The following ACER3 variants were observed in gnomAD, a reference collection of about 807,000 sequenced individuals.
The protein encoded by ACER3 is alkaline ceramidase 3, also known as alkCDase 3.
Under a neutral mutation model 48.9 loss-of-function variants are expected in ACER3, and 16 were observed. That is an observed-to-expected ratio of 0.33 (90% CI 0.22 to 0.50). The LOEUF is 0.50. Ranked by LOEUF, ACER3 falls within the 20% of genes least tolerant of loss-of-function variation. ACER3 has a pLI of 0.98. For synonymous variants in ACER3, 109 were observed against 107.8 expected, an observed-to-expected ratio of 1.01 and a Z score of -0.07; for missense variants, 227 against 326.0, an observed-to-expected ratio of 0.70 and a Z score of 2.34.
intron 2 of ACER3, among the ~76,000 whole-genome samples, chr11:76,933,360 G>T (rs1947071425): frequency 1.4e-5 from 2 of 145,628 alleles, no homozygotes; most frequent in South Asian, 4.5e-4. Flanking sequence ...TAGGACAATA[G>T]TGGAGGGAAG....
intron 1 of ACER3, among the ~76,000 whole-genome samples, chr11:76,889,100 G>T (rs745626279): frequency 1.3e-5 from 2 of 152,074 alleles, no homozygotes; most frequent in Non-Finnish European, 2.9e-5. Context: ...GCTCTATATA[G>T]ATGATCTCAG....
At position 77,020,553 on chromosome 11, in the gene ACER3, T is replaced by A; in HGVS notation, c.*226T>A. ...TCCCCCTCCTCCTTTCACGCTCCAG[T>A]TTATAAAGAAACAGAGATGATGTGT... On this transcript the variant is annotated 3_prime_UTR_variant, in exon 11 of 11. Transcript: ENST00000532485. The A allele has an allele frequency of 2.0e-6, 1 of 511,198 alleles. No individual in the cohort carries two copies. The allele number at this position is 511,198 out of a possible 1,614,324, so 31.7% of individuals were successfully genotyped here. A position where few individuals can be genotyped will look rare whatever the true frequency, so the allele number is the denominator to read the frequency against.
intron 3 of ACER3, among the ~76,000 whole-genome samples, chr11:76,959,415 A>G (rs1433636143): frequency 1.3e-5 from 2 of 152,192 alleles, no homozygotes; most frequent in African/African-American, 2.4e-5. Context: ...GAGTCCCTCT[A>G]TGTAGCAAGA....
intron 2 of ACER3, among the ~76,000 whole-genome samples, chr11:76,951,948 C>T (rs1195639691): frequency 6.6e-6 from 1 of 152,174 alleles, no homozygotes; most frequent in African/African-American, 2.4e-5. Context: ...CTGATAACTA[C>T]TGGCCTTATC....
intron 6 of ACER3, among the ~76,000 whole-genome samples, chr11:76,993,712 G>T (rs1030433238): frequency 6.6e-6 from 1 of 152,148 alleles, no homozygotes; most frequent in Non-Finnish European, 1.5e-5. Context: ...GACAGCCAGG[G>T]GATGGTTTTG....
chr11:76,868,728 A>T (rs1489142609), intron 1 of ACER3, among the ~76,000 whole-genome samples: 1 of 152,184 alleles, frequency 6.6e-6, no homozygotes, highest in African/African-American at 2.4e-5. Flanking sequence ...CAGTCTATTA[A>T]TATTAGACTA....
intron 3 of ACER3, among the ~76,000 whole-genome samples, chr11:76,975,134 C>T (rs1948408941): frequency 6.6e-6 from 1 of 152,190 alleles, no homozygotes; most frequent in African/African-American, 2.4e-5. Context: ...TTCATTCCTG[C>T]CATCACTTTC....
At chr11:76,881,539 C>T (rs1313731229) in intron 1 of ACER3, among the ~76,000 whole-genome samples, 1 of 151,978 alleles carries the variant, frequency 6.6e-6, no homozygotes, top group Non-Finnish European at 1.5e-5. Context: ...TTTAACTTTT[C>T]ACAGCCCACT....
At chr11:76,986,217 C>G (rs67397059) in intron 5 of ACER3, among the ~76,000 whole-genome samples, 8,980 of 152,220 alleles carry the variant, frequency 0.059, 283 homozygotes, top group Middle Eastern at 0.12. Flanking sequence ...CTTACCATGT[C>G]AGGCACTAGA....
At chr11:76,994,535 G>A (rs1182041273) in intron 6 of ACER3, among the ~76,000 whole-genome samples, 1 of 152,186 alleles carries the variant, frequency 6.6e-6, no homozygotes, top group African/African-American at 2.4e-5. Flanking sequence ...CAAAGTGCTG[G>A]GATTACAGGC....
intron 3 of ACER3, among the ~76,000 whole-genome samples, chr11:76,962,044 AATTTTTATTATT>A (rs1256793995): frequency 2.0e-5 from 3 of 150,020 alleles, no homozygotes; most frequent in Admixed American, 6.6e-5. Flanking sequence ...TATTATTTTT[AATTTTTATTATT>A]ATTATTTTTT....
chr11:77,008,012 A>G (rs1323896198), intron 7 of ACER3, among the ~76,000 whole-genome samples: 1 of 152,248 alleles, frequency 6.6e-6, no homozygotes, highest in African/African-American at 2.4e-5. Flanking sequence ...ACATATGTCA[A>G]AACATCACAT....
chr11:76,942,662 C>T lies in ACER3; in HGVS notation c.214+15995C>T, dbSNP rs571449163. Among the ~76,000 whole-genome samples the T allele has an allele frequency of 2.6e-5, 4 of 151,738 alleles. No individual in the cohort carries two copies. In the East Asian group the frequency reaches 5.8e-4, roughly 22 times the overall value. ...GTAGTTTTCTTTTTTGTTTTTGTGTCCTTGTCTGGTTTTGGTATCATGGTG... is the reference window on the plus strand; with the variant it reads ...GTAGTTTTCTTTTTTGTTTTTGTGTTCTTGTCTGGTTTTGGTATCATGGTG... On this transcript the variant is annotated intron_variant, in intron 2 of 10. Transcript: ENST00000532485.
chr11:76,875,369 C>G (rs906566982), intron 1 of ACER3, among the ~76,000 whole-genome samples: 3 of 151,972 alleles, frequency 2.0e-5, no homozygotes, highest in Non-Finnish European at 4.4e-5. Flanking sequence ...ACCTCAGCCT[C>G]CCAAAGTGCT....
chr11:76,962,882 G>A (rs1948033906), intron 3 of ACER3, among the ~76,000 whole-genome samples: 1 of 151,354 alleles, frequency 6.6e-6, no homozygotes, highest in South Asian at 2.1e-4. Flanking sequence ...CCCAATAGGT[G>A]TTCCTGGAAC....
chr11:76,951,385 A>G (rs1947664898), intron 2 of ACER3, among the ~76,000 whole-genome samples: 1 of 152,194 alleles, frequency 6.6e-6, no homozygotes, highest in South Asian at 2.1e-4. Flanking sequence ...ACATAATGAA[A>G]CATTTTAAGA....
chr11:76,868,537 C>G (rs1028403119), intron 1 of ACER3, among the ~76,000 whole-genome samples: 3 of 151,938 alleles, frequency 2.0e-5, no homozygotes, highest in Non-Finnish European at 4.4e-5. Context: ...GAAACAGAAT[C>G]TCCATCTCTC....
chr11:77,022,190 A>G lies in ACER3; in HGVS notation c.*1863A>G, dbSNP rs1179673697. The G allele has an allele frequency of 2.0e-5, 3 of 152,236 alleles. No homozygotes were observed. The highest frequency in any genetic ancestry group is 2.9e-5 in the Non-Finnish European group (2 of 68,044). 9.4% of individuals were successfully genotyped at this position (152,236 alleles called of 1,614,324 possible). A position where few individuals can be genotyped will look rare whatever the true frequency, so the allele number is the denominator to read the frequency against. ...TATATACAGTGTAGGATAAAGGCAT[A>G]TCGTACATGGCAATGCTGTTAAACA... is the stretch of plus-strand genomic sequence containing the variant. On this transcript the variant is annotated 3_prime_UTR_variant, in exon 11 of 11. Coordinates refer to ENST00000532485, the MANE Select transcript of ACER3 (RefSeq NM_018367.7).
At chr11:77,019,872 G>A in intron 10 of ACER3, 96 bp downstream of exon 10, 1 of 1,308,332 alleles carries the variant, frequency 7.6e-7, no homozygotes, top group Non-Finnish European at 1.1e-6. Context: ...TGGAGAGGTA[G>A]TGGAGCAAAC....
Sources: gnomAD v4.1 joint callset for allele counts (sites outside exome capture counted in the v4.1 genomes callset) on GRCh38, gnomAD v4.1.1 for gene constraint, MANE v1.5 for transcripts, NCBI Gene and HGNC (gene_info 2026-07-23, HGNC 2026-07-21) for gene names.